Variants in SSH2 observed in about 807,000 individuals in gnomAD.
SSH2 encodes the protein slingshot protein phosphatase 2, also known as protein phosphatase Slingshot homolog 2.
Under a neutral mutation model 135.2 loss-of-function variants are expected in SSH2, and 37 were observed. That is an observed-to-expected ratio of 0.27 (90% confidence interval 0.21 to 0.36). The LOEUF is 0.36. SSH2 is among the 10% of genes least tolerant of loss of function. The probability of loss-of-function intolerance (pLI) is 1.00; values close to 1 mark genes in which losing one functional copy is unlikely to be tolerated. For synonymous variants in SSH2, 628 were observed against 646.2 expected, an observed-to-expected ratio of 0.97 and a Z score of 0.43; for missense variants, 1,408 against 1,765.3, an observed-to-expected ratio of 0.80 and a Z score of 3.63.
At chr17:29,721,656 G>GA (rs1156610690) in intron 3 of SSH2, among the ~76,000 whole-genome samples, 1 of 152,150 alleles carries the variant, frequency 6.6e-6, no homozygotes, top group African/African-American at 2.4e-5. Context: ...TTTCTGAAAG[G>GA]AAGGTGGCTG....
intron 2 of SSH2, among the ~76,000 whole-genome samples, chr17:29,830,821 A>G (rs2042832075): frequency 6.6e-6 from 1 of 152,192 alleles, no homozygotes; most frequent in Admixed American, 6.5e-5. Flanking sequence ...TGCCTGGTAT[A>G]GCTGCTCCAG....
At position 29,629,351 on chromosome 17, in the gene SSH2, A is replaced by T. The variant is rs1453077724; in HGVS notation, c.*1490T>A. ...GGCTGTGGTTGAGATACTGGCAAACAATGTTCTGGGATTTCAGTCTCACAG... is the reference window on the plus strand; with the variant it reads ...GGCTGTGGTTGAGATACTGGCAAACTATGTTCTGGGATTTCAGTCTCACAG... On this transcript the variant is annotated 3_prime_UTR_variant, in exon 16 of 16. Coordinates refer to ENST00000540801, the MANE Select transcript of SSH2 (RefSeq NM_001282129.2). 3 of 152,622 alleles carry T rather than the reference A, an allele frequency of 2.0e-5. No homozygotes were observed. Among genetic ancestry groups the T allele is most frequent in the African/African-American group, 4.8e-5 (2 of 41,436 alleles). The allele number at this position is 152,622 out of a possible 1,614,324, so 9.5% of individuals were successfully genotyped here. A position where few individuals can be genotyped will look rare whatever the true frequency, so the allele number is the denominator to read the frequency against.
intron 3 of SSH2, among the ~76,000 whole-genome samples, chr17:29,784,556 C>T (rs912018083): frequency 6.6e-6 from 1 of 150,456 alleles, no homozygotes; most frequent in Non-Finnish European, 1.5e-5. Flanking sequence ...GAGATTGCAC[C>T]CCACTGCACT....
Position 29,631,667 on chromosome 17 carries a change from G to T in SSH2, c.3527C>A (p.Thr1176Asn). The T allele has an allele frequency of 6.2e-7, 1 of 1,614,224 alleles. No homozygotes were observed. Among genetic ancestry groups the T allele is most frequent in the Non-Finnish European group, 8.5e-7 (1 of 1,180,036 alleles). ...CTGTTCTGCAGAGGGCTCATCTGTA[G>T]TGCTGCTCTGCTCTGTGAAGCCCTC... The part of the protein sequence containing the change: ...HLEGFTEQSS[T>N]TDEPSAEQVS... The change falls in exon 16 of 16, where the codon ACT (threonine) becomes AAT (asparagine). Residue 1176 changes from threonine (T) to asparagine (N), a missense_variant. Physicochemically the swap from Thr to Asn is moderately conservative, Grantham distance 65. Transcript: ENST00000540801.
chr17:29,746,023 G>T (rs2040748394), intron 3 of SSH2, among the ~76,000 whole-genome samples: 1 of 152,088 alleles, frequency 6.6e-6, no homozygotes, highest in Non-Finnish European at 1.5e-5. Flanking sequence ...TTAAGGAACG[G>T]GATACTTTAA....
chr17:29,632,939 G>A lies in SSH2; in HGVS notation c.2263-8C>T. ...GACCAGTTCTGAAATTGCCTAAGAA[G>A]AGAAAGTAGTGAGAAGATTATGGCA... On this transcript the variant is annotated splice_polypyrimidine_tract_variant and splice_region_variant and intron_variant, in intron 15 of 15. Coordinates refer to ENST00000540801, the MANE Select transcript of SSH2 (RefSeq NM_001282129.2). The A allele has an allele frequency of 1.9e-6, 3 of 1,585,020 alleles. No individual in the cohort carries two copies. Among genetic ancestry groups the A allele is most frequent in the Non-Finnish European group, 2.6e-6 (3 of 1,165,932 alleles).
chr17:29,817,315 C>T (rs963506512), intron 2 of SSH2, among the ~76,000 whole-genome samples: 4 of 152,208 alleles, frequency 2.6e-5, no homozygotes, highest in Non-Finnish European at 5.9e-5. Context: ...TTTACACAAG[C>T]CTCATGAAGT....
chr17:29,690,136 G>A (rs774439590), intron 5 of SSH2, among the ~76,000 whole-genome samples: 10 of 152,060 alleles, frequency 6.6e-5, no homozygotes, highest in Non-Finnish European at 1.3e-4. Context: ...GGGTGCAGTG[G>A]CTCACGCCTA....
intron 1 of SSH2, among the ~76,000 whole-genome samples, chr17:29,927,471 G>A (rs1025732473): frequency 1.3e-5 from 2 of 152,144 alleles, no homozygotes; most frequent in African/African-American, 4.8e-5. Context: ...ATCCTATAGT[G>A]TAAAAGTATT....
At chr17:29,721,666 G>A (rs2039827293) in intron 3 of SSH2, among the ~76,000 whole-genome samples, 1 of 152,160 alleles carries the variant, frequency 6.6e-6, no homozygotes, top group South Asian at 2.1e-4. Context: ...GAAGGTGGCT[G>A]AAGATATTCA....
chr17:29,889,036 G>GT (rs2151441418), intron 1 of SSH2, among the ~76,000 whole-genome samples: 1 of 147,970 alleles, frequency 6.8e-6, no homozygotes, highest in East Asian at 2.0e-4. Context: ...TTTGAGTTTA[G>GT]TTTTCTTAAA....
At chr17:29,913,347 A>AATATATATATATATATATAT (rs56068605) in intron 1 of SSH2, among the ~76,000 whole-genome samples, 1 of 28,778 alleles carries the variant, frequency 3.5e-5, no homozygotes, top group Non-Finnish European at 5.9e-5. Flanking sequence ...AAAAAAAAAA[A>AATATATATATATATATATAT]ATATATATAT....
intron 2 of SSH2, among the ~76,000 whole-genome samples, chr17:29,807,787 T>C: frequency 6.6e-6 from 1 of 151,666 alleles, no homozygotes; most frequent in East Asian, 1.9e-4. Context: ...CCAGGGAAGG[T>C]ATTTATTAGC....
At chr17:29,808,319 G>C (rs1298826305) in intron 2 of SSH2, among the ~76,000 whole-genome samples, 1 of 152,156 alleles carries the variant, frequency 6.6e-6, no homozygotes, top group East Asian at 1.9e-4. Context: ...AGTAGAGACG[G>C]GGTTTCGCCA....
At chr17:29,655,849 G>A (rs1200147769) in intron 11 of SSH2, among the ~76,000 whole-genome samples, 1 of 151,988 alleles carries the variant, frequency 6.6e-6, no homozygotes, top group Non-Finnish European at 1.5e-5. Flanking sequence ...AATAATTTTT[G>A]CCCATGATCA....
chr17:29,791,750 T>C (rs1022100026), intron 3 of SSH2, among the ~76,000 whole-genome samples: 2 of 152,198 alleles, frequency 1.3e-5, no homozygotes, highest in Non-Finnish European at 2.9e-5. Context: ...TATAACAGAT[T>C]AGCAAATTTT....
intron 2 of SSH2, among the ~76,000 whole-genome samples, chr17:29,805,131 C>A (rs1358403866): frequency 6.6e-6 from 1 of 150,448 alleles, no homozygotes; most frequent in Non-Finnish European, 1.5e-5. Context: ...AGGCCTCATG[C>A]CTATAAATTA....
intron 6 of SSH2, among the ~76,000 whole-genome samples, chr17:29,678,219 C>T (rs2037810906): frequency 6.6e-6 from 1 of 151,944 alleles, no homozygotes. Flanking sequence ...TTAGCCTCCC[C>T]AGTAGCTGGG....
intron 11 of SSH2, among the ~76,000 whole-genome samples, chr17:29,661,468 C>T (rs2037038640): frequency 6.6e-6 from 1 of 152,198 alleles, no homozygotes; most frequent in South Asian, 2.1e-4. Context: ...CTCAAGGACA[C>T]TGTGCTGAAG....
Sources: allele counts gnomAD v4.1 joint callset (sites outside exome capture counted in the v4.1 genomes callset), GRCh38; gene constraint gnomAD v4.1.1; transcripts MANE v1.5; gene names NCBI Gene and HGNC (gene_info 2026-07-23, HGNC 2026-07-21).